Variants in NXPE2 observed in about 807,000 individuals in gnomAD.
The protein encoded by NXPE2 is neurexophilin and PC-esterase domain family member 2.
In NXPE2, 34 loss-of-function variants were observed where a neutral mutation model predicts 34.4. The observed-to-expected ratio is 0.99, with a 90% CI of 0.75 to 1.31. NXPE2 has a LOEUF of 1.31. Among genes scored for constraint, NXPE2 ranks in the 40% most tolerant of loss-of-function variants. The probability of loss-of-function intolerance (pLI) is 0.00; values close to 1 mark genes in which losing one functional copy is unlikely to be tolerated. For missense variants in NXPE2, 649 were observed against 672.5 expected, an observed-to-expected ratio of 0.97 and a Z score of 0.39; for synonymous variants, 235 against 231.3, an observed-to-expected ratio of 1.02 and a Z score of -0.15.
chr11:114,614,151 C>T, the NXPE2 span, among the ~76,000 whole-genome samples: 18 of 149,754 alleles, frequency 1.2e-4, no homozygotes, highest in African/African-American at 4.2e-4. Flanking sequence ...AGTGCTGCCT[C>T]ATGGGTACCA....
chr11:114,537,571 A>G, the NXPE2 span, among the ~76,000 whole-genome samples: 2 of 152,230 alleles, frequency 1.3e-5, no homozygotes, highest in Admixed American at 1.3e-4. Context: ...CTGATAAGCA[A>G]CTTCAGCAAA....
the NXPE2 span, among the ~76,000 whole-genome samples, chr11:114,484,355 TG>T: frequency 1.3e-5 from 2 of 151,984 alleles, no homozygotes; most frequent in Non-Finnish European, 2.9e-5. Context: ...GTTTGGGATG[TG>T]GGGGGGTAGA....
At chr11:114,509,475 T>A in the NXPE2 span, among the ~76,000 whole-genome samples, 1 of 152,230 alleles carries the variant, frequency 6.6e-6, no homozygotes, top group African/African-American at 2.4e-5. Context: ...TGCATGCATA[T>A]GCTCGTTGTG....
chr11:114,523,264 G>C, the NXPE2 span, among the ~76,000 whole-genome samples: 18 of 152,008 alleles, frequency 1.2e-4, no homozygotes, highest in Admixed American at 6.6e-4. Context: ...AGGCACTTCT[G>C]CTTATTCCTT....
chr11:114,505,204 C>T, the NXPE2 span, among the ~76,000 whole-genome samples: 1 of 152,052 alleles, frequency 6.6e-6, no homozygotes, highest in Non-Finnish European at 1.5e-5. Flanking sequence ...TGAACAAAAC[C>T]TCTGATAAAT....
At chr11:114,530,497 A>G in the NXPE2 span, 4 of 1,613,972 alleles carry the variant, frequency 2.5e-6, no homozygotes, top group Middle Eastern at 1.6e-4. Flanking sequence ...CCCTCCCAGA[A>G]CAGAGTGAAG....
the NXPE2 span, among the ~76,000 whole-genome samples, chr11:114,730,802 T>A: frequency 6.6e-6 from 1 of 152,088 alleles, no homozygotes; most frequent in East Asian, 1.9e-4. Flanking sequence ...TCTGGCAGAG[T>A]CTCTAGGGAT....
chr11:114,760,310 G>C, the NXPE2 span, among the ~76,000 whole-genome samples: 3 of 152,152 alleles, frequency 2.0e-5, no homozygotes, highest in Admixed American at 1.3e-4. Context: ...TGAGGAACAG[G>C]CCTTCACCAG....
At chr11:114,769,651 G>A in the NXPE2 span, among the ~76,000 whole-genome samples, 1 of 152,148 alleles carries the variant, frequency 6.6e-6, no homozygotes, top group Admixed American at 6.5e-5. Context: ...ATGGGTTCAT[G>A]TCCTTTGCAA....
At chr11:114,699,516 T>C (rs1416628883) in intron 3 of NXPE2, among the ~76,000 whole-genome samples, 1 of 152,216 alleles carries the variant, frequency 6.6e-6, no homozygotes, top group Non-Finnish European at 1.5e-5. Flanking sequence ...ACCTTTATGC[T>C]GCCTTGCCCT....
chr11:114,602,732 A>G, the NXPE2 span, among the ~76,000 whole-genome samples: 1 of 144,396 alleles, frequency 6.9e-6, no homozygotes, highest in Non-Finnish European at 1.5e-5. Context: ...ATTATCTCAT[A>G]TATAATTAAA....
At chr11:114,544,206 A>T in the NXPE2 span, among the ~76,000 whole-genome samples, 2 of 152,132 alleles carry the variant, frequency 1.3e-5, no homozygotes, top group South Asian at 4.1e-4. Context: ...AATCCCAGCA[A>T]TTTTTTTGTA....
chr11:114,588,605 C>A, the NXPE2 span, among the ~76,000 whole-genome samples: 6 of 152,100 alleles, frequency 3.9e-5, no homozygotes, highest in Non-Finnish European at 7.4e-5. Context: ...CGAAGAGAGG[C>A]ACTACCTCTT....
the NXPE2 span, among the ~76,000 whole-genome samples, chr11:114,591,612 G>A: frequency 6.6e-6 from 1 of 152,104 alleles, no homozygotes; most frequent in Non-Finnish European, 1.5e-5. Flanking sequence ...CATTTCTCGA[G>A]GGTATACTTT....
the NXPE2 span, among the ~76,000 whole-genome samples, chr11:114,561,532 G>A: frequency 6.6e-6 from 1 of 152,072 alleles, no homozygotes; most frequent in South Asian, 2.1e-4. Flanking sequence ...CTTTCAGAGG[G>A]GACCAGTATT....
chr11:114,715,828 G>A, the NXPE2 span, among the ~76,000 whole-genome samples: 1 of 152,122 alleles, frequency 6.6e-6, no homozygotes, highest in African/African-American at 2.4e-5. Flanking sequence ...TCTGAGAACT[G>A]GCTCTTTTGC....
At chr11:114,775,105 G>A in the NXPE2 span, among the ~76,000 whole-genome samples, 19,188 of 152,212 alleles carry the variant, frequency 0.13, 1,257 homozygotes, top group Admixed American at 0.19. Flanking sequence ...GTCCGCTCTG[G>A]GGGACTGCCA....
the NXPE2 span, among the ~76,000 whole-genome samples, chr11:114,497,392 C>T: frequency 6.6e-6 from 1 of 152,210 alleles, no homozygotes; most frequent in Non-Finnish European, 1.5e-5. Flanking sequence ...CACTCACTGA[C>T]TCAGTCAGAG....
chr11:114,491,346 G>A, the NXPE2 span, among the ~76,000 whole-genome samples: 38,472 of 151,344 alleles, frequency 0.25, 5,040 homozygotes, highest in East Asian at 0.37. Flanking sequence ...AAAAGTGGGC[G>A]AAGGATATGA....
Sources: gnomAD v4.1 joint callset for allele counts (sites outside exome capture counted in the v4.1 genomes callset) on GRCh38, gnomAD v4.1.1 for gene constraint, MANE v1.5 for transcripts, NCBI Gene and HGNC (gene_info 2026-07-23, HGNC 2026-07-21) for gene names.